The following GRIK1 variants were observed in gnomAD, a reference collection of about 807,000 sequenced individuals.
GRIK1 encodes the protein glutamate ionotropic receptor kainate type subunit 1.
In GRIK1, 69 loss-of-function variants were observed where a neutral mutation model predicts 105.7. That is an observed-to-expected ratio of 0.65 (90% confidence interval 0.54 to 0.80). The LOEUF is 0.80. Ranked by LOEUF, GRIK1 falls within the 30% of genes least tolerant of loss-of-function variation. The pLI is 0.00. For synonymous variants in GRIK1, 438 were observed against 431.3 expected, an observed-to-expected ratio of 1.02 and a Z score of -0.19; for missense variants, 1,109 against 1,167.3, an observed-to-expected ratio of 0.95 and a Z score of 0.73.
intron 14 of GRIK1, among the ~76,000 whole-genome samples, chr21:29,570,525 A>T (rs1348604578): frequency 6.6e-6 from 1 of 152,084 alleles, no homozygotes; most frequent in Non-Finnish European, 1.5e-5. Flanking sequence ...AATTCTCTTA[A>T]ATAGAGTCTG....
intron 7 of GRIK1, among the ~76,000 whole-genome samples, chr21:29,633,928 A>G (rs2062340286): frequency 6.6e-6 from 1 of 152,244 alleles, no homozygotes; most frequent in Admixed American, 6.5e-5. Flanking sequence ...ACCCAATGTC[A>G]TCTAATTAAA....
At chr21:29,656,482 G>A (rs145224460) in intron 4 of GRIK1, among the ~76,000 whole-genome samples, 271 of 150,082 alleles carry the variant, frequency 1.8e-3, no homozygotes, top group African/African-American at 6.5e-3. Flanking sequence ...ATTCCCTCTG[G>A]AAGTTTTTAT....
At chr21:29,822,833 T>C (rs2832446) in intron 1 of GRIK1, among the ~76,000 whole-genome samples, 42,121 of 151,894 alleles carry the variant, frequency 0.28, 7,029 homozygotes, top group East Asian at 0.65. Context: ...CTATTTTTAC[T>C]AGCTTGCTAC....
intron 1 of GRIK1, among the ~76,000 whole-genome samples, chr21:29,888,796 C>A (rs916388528): frequency 6.6e-6 from 1 of 152,166 alleles, no homozygotes; most frequent in Non-Finnish European, 1.5e-5. Flanking sequence ...CAAAGAAATC[C>A]ACCATCTGGT....
intron 1 of GRIK1, among the ~76,000 whole-genome samples, chr21:29,848,779 A>ATT (rs1555898508): frequency 0.014 from 1,126 of 77,832 alleles, 55 homozygotes; most frequent in African/African-American, 0.056. Flanking sequence ...ATATATATAT[A>ATT]TTTTTTTTTT....
At chr21:29,901,107 C>T (rs969772745) in intron 1 of GRIK1, among the ~76,000 whole-genome samples, 2 of 152,182 alleles carry the variant, frequency 1.3e-5, no homozygotes, top group African/African-American at 2.4e-5. Context: ...AAAGACACAA[C>T]GTACCAGAAT....
chr21:29,756,967 A>T (rs1376834421), intron 1 of GRIK1, among the ~76,000 whole-genome samples: 1 of 151,962 alleles, frequency 6.6e-6, no homozygotes, highest in Non-Finnish European at 1.5e-5. Context: ...CATACAAAAA[A>T]TTAGCTGGGT....
At chr21:29,579,366 G>C (rs1318778961) in intron 13 of GRIK1, among the ~76,000 whole-genome samples, 1 of 152,042 alleles carries the variant, frequency 6.6e-6, no homozygotes, top group Non-Finnish European at 1.5e-5. Flanking sequence ...TACTCTAGAG[G>C]ATGAAATTAT....
chr21:29,902,960 G>T (rs557355843), intron 1 of GRIK1, among the ~76,000 whole-genome samples: 1 of 152,198 alleles, frequency 6.6e-6, no homozygotes, highest in African/African-American at 2.4e-5. Flanking sequence ...CAGAATGGAG[G>T]CCTCAGAAAT....
At chr21:29,842,039 T>C (rs1355362835) in intron 1 of GRIK1, among the ~76,000 whole-genome samples, 1 of 152,196 alleles carries the variant, frequency 6.6e-6, no homozygotes, top group Non-Finnish European at 1.5e-5. Context: ...TCTAAATCTC[T>C]AGATGATCCC....
chr21:29,793,473 C>T (rs985889302), intron 1 of GRIK1, among the ~76,000 whole-genome samples: 4 of 151,974 alleles, frequency 2.6e-5, no homozygotes, highest in Admixed American at 6.6e-5. Context: ...CTCTCTCTCC[C>T]ACCCCCTACC....
At chr21:29,548,813 C>T (rs1263671657) in intron 16 of GRIK1, among the ~76,000 whole-genome samples, 2 of 152,156 alleles carry the variant, frequency 1.3e-5, no homozygotes, top group Non-Finnish European at 2.9e-5. Flanking sequence ...ATTTTCCCAA[C>T]GGCAAGATTC....
At chr21:29,542,032 A>AGT (rs66476053) in intron 16 of GRIK1, among the ~76,000 whole-genome samples, 5,290 of 150,556 alleles carry the variant, frequency 0.035, 284 homozygotes, top group African/African-American at 0.12. Context: ...AATAATGTAG[A>AGT]GTGTGTGTGT....
intron 13 of GRIK1, among the ~76,000 whole-genome samples, chr21:29,579,595 CAA>C (rs2090970572): frequency 1.3e-5 from 2 of 152,124 alleles, no homozygotes; most frequent in Admixed American, 1.3e-4. Flanking sequence ...CTTCTGCTAA[CAA>C]GAGAGAGCAA....
chr21:29,689,108 G>A (rs558279261), intron 3 of GRIK1, among the ~76,000 whole-genome samples: 68 of 152,008 alleles, frequency 4.5e-4, no homozygotes, highest in African/African-American at 1.6e-3. Flanking sequence ...AAAGCAGAGG[G>A]GGGTGGTGCC....
Position 29,818,102 on chromosome 21 carries a change from A to T in GRIK1, c.118+121281T>A, listed in dbSNP as rs114079329. Among the ~76,000 whole-genome samples the T allele has an allele frequency of 7.1e-3, 1,076 of 152,236 alleles. 8 individuals are homozygous for T. The highest frequency in any genetic ancestry group is 0.025 in the African/African-American group (1,028 of 41,560). ...AGACAACATGGTGTACTGCATTCTA[A>T]GGATGGAAATTTAGGGAAAACCCTA... On this transcript the variant is annotated intron_variant, in intron 1 of 17. Coordinates refer to ENST00000327783, the MANE Select transcript of GRIK1 (RefSeq NM_001330994.2).
At chr21:29,858,302 G>A (rs1224283015) in intron 1 of GRIK1, among the ~76,000 whole-genome samples, 1 of 152,146 alleles carries the variant, frequency 6.6e-6, no homozygotes, top group Admixed American at 6.5e-5. Context: ...CTCAGAGAAG[G>A]CTGGATTCTT....
chr21:29,785,046 T>C (rs1448895535), intron 1 of GRIK1, among the ~76,000 whole-genome samples: 1 of 152,124 alleles, frequency 6.6e-6, no homozygotes, highest in Non-Finnish European at 1.5e-5. Context: ...AAACCCAGGG[T>C]GATTAGTCAA....
intron 1 of GRIK1, among the ~76,000 whole-genome samples, chr21:29,924,881 A>G (rs1483016021): frequency 6.6e-6 from 1 of 152,210 alleles, no homozygotes; most frequent in Non-Finnish European, 1.5e-5. Context: ...AGAAATGCAC[A>G]TTTAATCACA....
Sources: gnomAD v4.1 joint callset for allele counts (sites outside exome capture counted in the v4.1 genomes callset) on GRCh38, gnomAD v4.1.1 for gene constraint, MANE v1.5 for transcripts, NCBI Gene and HGNC (gene_info 2026-07-23, HGNC 2026-07-21) for gene names.